Variants in CPS1 observed in about 807,000 individuals in gnomAD.
CPS1 encodes carbamoyl-phosphate synthase [ammonia], mitochondrial.
In CPS1, 109 loss-of-function variants were observed where a neutral mutation model predicts 174.6. The observed-to-expected ratio is 0.62, with a 90% CI of 0.53 to 0.73. The LOEUF (loss-of-function observed/expected upper bound fraction) is 0.73, where lower values mean the gene tolerates loss of function less well. CPS1 is among the 30% of genes least tolerant of loss of function. CPS1 has a pLI of 0.00. For missense variants in CPS1, 1,689 were observed against 1,821.9 expected, an observed-to-expected ratio of 0.93 and a Z score of 1.33; for synonymous variants, 637 against 632.0, an observed-to-expected ratio of 1.01 and a Z score of -0.12.
intron 7 of CPS1, among the ~76,000 whole-genome samples, chr2:210,589,355 T>A (rs1698210844): frequency 6.6e-6 from 1 of 152,108 alleles, no homozygotes; most frequent in African/African-American, 2.4e-5. Context: ...TATGTGCTTT[T>A]ATATTAAAAG....
chr2:210,611,516 G>A (rs1454741029), intron 19 of CPS1, among the ~76,000 whole-genome samples: 1 of 151,688 alleles, frequency 6.6e-6, no homozygotes, highest in Non-Finnish European at 1.5e-5. Context: ...AGTGTATGAT[G>A]AGCTGTAAAG....
intron 16 of CPS1, chr2:210,604,880 G>A: frequency 1.8e-6 from 1 of 541,576 alleles, no homozygotes; most frequent in South Asian, 2.2e-5. Flanking sequence ...CACTTTGAAT[G>A]GCAAGCCTCA....
At chr2:210,594,725 T>C (rs1046340916) in intron 12 of CPS1, 119 bp downstream of exon 12, 9 of 735,386 alleles carry the variant, frequency 1.2e-5, no homozygotes, top group Non-Finnish European at 2.2e-5. Context: ...ACTGGTAATA[T>C]TGTAATAGAC....
chr2:210,616,854 TA>T (rs369794692), intron 21 of CPS1, among the ~76,000 whole-genome samples: 5 of 152,140 alleles, frequency 3.3e-5, no homozygotes, highest in African/African-American at 1.2e-4. Context: ...AATTATGAAG[TA>T]TTATCTAGAT....
chr2:210,479,475 C>A (rs1405788526), intron 1 of CPS1, among the ~76,000 whole-genome samples: 1 of 152,066 alleles, frequency 6.6e-6, no homozygotes. Context: ...ATTACAGGCA[C>A]ACACCACCAC....
At chr2:210,546,954 G>T (rs376455917) in intron 1 of CPS1, among the ~76,000 whole-genome samples, 1 of 152,120 alleles carries the variant, frequency 6.6e-6, no homozygotes, top group Non-Finnish European at 1.5e-5. Flanking sequence ...GTACTGAAAC[G>T]CTTTGGACTC....
At chr2:210,517,770 AAC>A (rs1458291900) in intron 1 of CPS1, among the ~76,000 whole-genome samples, 1 of 152,008 alleles carries the variant, frequency 6.6e-6, no homozygotes, top group Non-Finnish European at 1.5e-5. Flanking sequence ...TGTGATATAA[AAC>A]ACCATAAAGT....
chr2:210,548,215 A>G (rs537317976), intron 1 of CPS1, among the ~76,000 whole-genome samples: 1 of 151,948 alleles, frequency 6.6e-6, no homozygotes, highest in Non-Finnish European at 1.5e-5. Flanking sequence ...TTTGTCTTAC[A>G]TTTTATGTCT....
At chr2:210,558,031 G>A (rs1696974059) in intron 1 of CPS1, among the ~76,000 whole-genome samples, 1 of 150,788 alleles carries the variant, frequency 6.6e-6, no homozygotes, top group African/African-American at 2.4e-5. Flanking sequence ...GGGATGGGAG[G>A]GAGAGAGAGA....
At chr2:210,581,965 AG>A (rs1697935447) in intron 5 of CPS1, among the ~76,000 whole-genome samples, 1 of 152,198 alleles carries the variant, frequency 6.6e-6, no homozygotes, top group Non-Finnish European at 1.5e-5. Flanking sequence ...CTAACAAATA[AG>A]TAAATCTCAA....
At chr2:210,603,797 G>A (rs1698807534) in intron 16 of CPS1, among the ~76,000 whole-genome samples, 1 of 151,534 alleles carries the variant, frequency 6.6e-6, no homozygotes. Context: ...AGAATAATTA[G>A]TCATATCATT....
At chr2:210,503,393 G>A (rs533806756) in intron 1 of CPS1, among the ~76,000 whole-genome samples, 3 of 152,246 alleles carry the variant, frequency 2.0e-5, no homozygotes, top group South Asian at 4.1e-4. Flanking sequence ...TTAAATAAAC[G>A]TTCTATCGTC....
chr2:210,478,939 TTCCC>T (rs58783925), intron 1 of CPS1, among the ~76,000 whole-genome samples: 40,061 of 107,962 alleles, frequency 0.37, 7,245 homozygotes, highest in Middle Eastern at 0.47. Flanking sequence ...CCCCCCTCCC[TTCCC>T]TCCCTCCCTC....
At chr2:210,666,991 C>T (rs1701124484) in intron 33 of CPS1, among the ~76,000 whole-genome samples, 2 of 152,150 alleles carry the variant, frequency 1.3e-5, no homozygotes, top group South Asian at 2.1e-4. Flanking sequence ...CTTGTATCCT[C>T]TTTTATTTCA....
rs578261303 is a variant in CPS1 at position 210,645,661 on chromosome 2, T to C, written c.3142-2202T>C. On this transcript the variant is annotated intron_variant, in intron 25 of 37. Coordinates refer to ENST00000233072, the MANE Select transcript of CPS1 (RefSeq NM_001875.5). ...AGCTGGGCGTGGTGGTGCATGCCTGTAATCCCAGCTACTAGGGAAGCTGAG... is the reference window on the plus strand; with the variant it reads ...AGCTGGGCGTGGTGGTGCATGCCTGCAATCCCAGCTACTAGGGAAGCTGAG... Among the ~76,000 whole-genome samples, 4 of 152,274 alleles carry C rather than the reference T, an allele frequency of 2.6e-5. No individual in the cohort carries two copies. The East Asian group carries it at 7.7e-4, about 29-fold the overall frequency.
chr2:210,508,578 A>G (rs1695355530), intron 1 of CPS1, among the ~76,000 whole-genome samples: 1 of 152,194 alleles, frequency 6.6e-6, no homozygotes, highest in Non-Finnish European at 1.5e-5. Context: ...CAAAAAATCA[A>G]TGAATCCAGG....
rs1698688499 is a variant in CPS1 at position 210,600,646 on chromosome 2, G to A, written c.1641G>A (p.Arg547=). The change falls in exon 15 of 38, where the codon AGG becomes AGA. Residue 547 remains arginine, a synonymous_variant. Transcript: ENST00000233072. The part of the protein sequence containing the change: ...SVESIMATED[R]QLFSDKLNEI... ...AGTCCATTATGGCTACGGAAGACAG[G>A]CAGCTGTTTTCAGATAAACTAAATG... 2 of 1,612,218 alleles carry A rather than the reference G, an allele frequency of 1.2e-6. No homozygotes were observed. Among genetic ancestry groups the A allele is most frequent in the African/African-American group, 2.7e-5 (2 of 74,878 alleles).
intron 1 of CPS1, among the ~76,000 whole-genome samples, chr2:210,501,365 A>G (rs1695134129): frequency 6.6e-6 from 1 of 152,150 alleles, no homozygotes. Context: ...TTTCTATTGC[A>G]TCATCAGGCT....
chr2:210,614,885 G>C (rs11889880), intron 20 of CPS1, among the ~76,000 whole-genome samples: 3 of 151,502 alleles, frequency 2.0e-5, no homozygotes, highest in Non-Finnish European at 2.9e-5. Context: ...GGCCTGTCGG[G>C]GGGTGGGGAG....
Sources: allele counts gnomAD v4.1 joint callset (sites outside exome capture counted in the v4.1 genomes callset), GRCh38; gene constraint gnomAD v4.1.1; transcripts MANE v1.5; gene names NCBI Gene and HGNC (gene_info 2026-07-23, HGNC 2026-07-21).